GAL3ST1: variants seen among roughly 807,000 people sequenced by gnomAD.
GAL3ST1 encodes galactosylceramide sulfotransferase.
In GAL3ST1, 13 loss-of-function variants were observed where a neutral mutation model predicts 25.0. That is an observed-to-expected ratio of 0.52 (90% CI 0.34 to 0.83). The LOEUF is 0.83. GAL3ST1 is among the 40% of genes least tolerant of loss of function. The probability of loss-of-function intolerance (pLI) is 0.02; values close to 1 mark genes in which losing one functional copy is unlikely to be tolerated. For missense variants in GAL3ST1, 474 were observed against 613.6 expected (o/e 0.77, Z 2.40); for synonymous variants, 274 against 277.8 (o/e 0.99, Z 0.14).
intron 1 of GAL3ST1, among the ~76,000 whole-genome samples, chr22:30,568,088 C>T (rs2086677611): frequency 6.6e-6 from 1 of 152,232 alleles, no homozygotes; most frequent in African/African-American, 2.4e-5. Flanking sequence ...GCTCACAGTC[C>T]TAACTGGGGA....
rs780909543 is a variant in GAL3ST1 at position 30,555,774 on chromosome 22, C to T, written c.451G>A (p.Gly151Ser). Residue 151 changes from glycine to serine, a missense_variant, in exon 4 of 4, where the codon GGC becomes AGC. Transcript: ENST00000406361. This position sits in a 1 kb window ranked among gnomAD's most constrained non-coding sequence, Gnocchi z 8.6. ...AAGATGGCGTTGGTCGGCACCAGGC[C>T]GCGCACCTCGTCGTAGTGGAAGCGC... ...HMRFHYDEVR[G>S]LVPTNAIFIT... 1.2e-6 allele frequency: 2 copies of T among 1,614,124 alleles called. No individual in the cohort carries two copies. The highest frequency in any genetic ancestry group is 1.3e-5 in the African/African-American group (1 of 75,050).
intron 1 of GAL3ST1, among the ~76,000 whole-genome samples, chr22:30,571,240 C>T (rs1047975479): frequency 4.6e-5 from 7 of 152,064 alleles, no homozygotes; most frequent in Admixed American, 2.0e-4. Context: ...GCAGAAGGGG[C>T]GGATGGGATA....
chr22:30,555,641 T>G lies in GAL3ST1; in HGVS notation c.584A>C (p.Glu195Ala). 6.2e-7 allele frequency: 1 copy of G among 1,613,682 alleles called. No individual in the cohort carries two copies. ...GTAGCGATCCGGGTCTTGCAGGAAC[T>G]CGGTCAGCTTGTCGCCGGCCGAGAG... ...WKLSAGDKLTEFLQDPDRYYD... is the reference protein window; with the variant it reads ...WKLSAGDKLTAFLQDPDRYYD... The change falls in exon 4 of 4, where the codon GAG becomes GCG. Residue 195 changes from glutamate to alanine, a missense_variant. Physicochemically the swap from Glu to Ala is moderately radical, Grantham distance 107 (BLOSUM62 -1). Transcript: ENST00000406361. This position sits in a 1 kb window ranked among gnomAD's most constrained non-coding sequence, Gnocchi z 8.6.
At chr22:30,572,339 C>A (rs1465328219) in intron 1 of GAL3ST1, among the ~76,000 whole-genome samples, 2 of 152,164 alleles carry the variant, frequency 1.3e-5, no homozygotes, top group East Asian at 3.8e-4. Context: ...ATACATACAC[C>A]CACCTCTCCA....
At chr22:30,556,212 C>A in intron 3 of GAL3ST1, 119 bp from the exon 4 acceptor site, 3 of 802,064 alleles carry the variant, frequency 3.7e-6, no homozygotes, top group Non-Finnish European at 5.8e-6. Flanking sequence ...GATAGTGAGA[C>A]CTGTGGGGCC....
At chr22:30,571,697 A>G (rs2086790582) in intron 1 of GAL3ST1, among the ~76,000 whole-genome samples, 1 of 152,138 alleles carries the variant, frequency 6.6e-6, no homozygotes, top group Admixed American at 6.5e-5. Flanking sequence ...TCCCGTCTCT[A>G]CTAAAATTAT....
At position 30,555,321 on chromosome 22, in the gene GAL3ST1, T is replaced by A; in HGVS notation, c.904A>T (p.Met302Leu). Reference sequence around the variant, plus strand: ...TGGCGGTAGAGGTGGGAGTCCAGCATGTTCCAGGCGGTGGCGCGCCCATAC... The same window carrying A: ...TGGCGGTAGAGGTGGGAGTCCAGCAAGTTCCAGGCGGTGGCGCGCCCATAC... ...ELYGRATAWN[M>L]LDSHLYRHFN... Residue 302 changes from methionine (M) to leucine (L), a missense_variant, in exon 4 of 4, where the codon ATG becomes TTG. Transcript: ENST00000406361. This position sits in a 1 kb window ranked among gnomAD's most constrained non-coding sequence, Gnocchi z 8.6. 1.2e-6 allele frequency: 2 copies of A among 1,606,614 alleles called. No individual in the cohort carries two copies. The highest frequency in any genetic ancestry group is 1.7e-6 in the Non-Finnish European group (2 of 1,178,384).
At chr22:30,573,818 G>A (rs1421727011) in intron 1 of GAL3ST1, among the ~76,000 whole-genome samples, 1 of 152,198 alleles carries the variant, frequency 6.6e-6, no homozygotes, top group African/African-American at 2.4e-5. Context: ...CAAAATGCTG[G>A]CCTGGCACCG....
intron 1 of GAL3ST1, among the ~76,000 whole-genome samples, chr22:30,566,971 A>T (rs566577827): frequency 6.7e-6 from 1 of 150,342 alleles, no homozygotes; most frequent in South Asian, 2.1e-4. Flanking sequence ...ATTTTATTTT[A>T]TTTGAGACAG....
intron 1 of GAL3ST1, among the ~76,000 whole-genome samples, chr22:30,570,230 C>G (rs2086739561): frequency 6.6e-6 from 1 of 152,162 alleles, no homozygotes; most frequent in Admixed American, 6.5e-5. Flanking sequence ...GGAGTGGAAT[C>G]CCATCGGGAT....
At chr22:30,566,919 T>G (rs985076810) in intron 1 of GAL3ST1, among the ~76,000 whole-genome samples, 3 of 152,076 alleles carry the variant, frequency 2.0e-5, no homozygotes, top group African/African-American at 7.2e-5. Flanking sequence ...GATGACATCT[T>G]TGGCTGGTTC....
intron 3 of GAL3ST1, among the ~76,000 whole-genome samples, 166 bp from the exon 4 acceptor site, chr22:30,556,259 C>T (rs1427804146): frequency 6.6e-6 from 1 of 152,134 alleles, no homozygotes; most frequent in Non-Finnish European, 1.5e-5. Flanking sequence ...GTGGTTTGGC[C>T]TCTCTAGCCT....
In GAL3ST1 at chr22:30,559,455, C is replaced by G. The variant is rs140561094; in HGVS notation, c.-119-1067G>C. ...GGAGTTTCACCATGTTGGCCAGGAT[C>G]ATCTTGATCTCCTGACCTTGTGATC... On this transcript the variant is annotated intron_variant, in intron 1 of 3. Coordinates refer to ENST00000406361, the MANE Select transcript of GAL3ST1 (RefSeq NM_001318104.2). 2.7e-3 allele frequency among the ~76,000 whole-genome samples: 416 copies of G among 152,212 alleles called. 4 individuals are homozygous for G. The highest frequency in any genetic ancestry group is 9.3e-3 in the African/African-American group (387 of 41,538).
chr22:30,565,751 C>T (rs1228588740), intron 1 of GAL3ST1, among the ~76,000 whole-genome samples: 3 of 152,080 alleles, frequency 2.0e-5, no homozygotes, highest in Non-Finnish European at 2.9e-5. Flanking sequence ...GGCCCTAAGC[C>T]CCAGGAACCC....
Position 30,557,319 on chromosome 22 carries a change from A to G in GAL3ST1, c.74T>C (p.Phe25Ser). ...GLVLGALFTS[F>S]LLLVYSYAVP... is the part of the protein sequence containing the mutation. ...GGCATAGGAGTACACCAGCAGCAGGAAACTAGTGAAGAGCGCGCCCAGCAC... is the reference window on the plus strand; with the variant it reads ...GGCATAGGAGTACACCAGCAGCAGGGAACTAGTGAAGAGCGCGCCCAGCAC... Residue 25 changes from phenylalanine (F) to serine (S), a missense_variant, in exon 3 of 4, where the codon TTC (phenylalanine) becomes TCC (serine). Physicochemically the swap from Phe to Ser is radical, Grantham distance 155 (BLOSUM62 -2). This residue lies in a region of GAL3ST1 where 115 missense variants were observed against 109.2 expected (regional missense o/e 1.05). Coordinates refer to ENST00000406361, the MANE Select transcript of GAL3ST1 (RefSeq NM_001318104.2). 6.2e-7 allele frequency: 1 copy of G among 1,614,192 alleles called. No individual in the cohort carries two copies. Among genetic ancestry groups the G allele is most frequent in the South Asian group, 1.1e-5 (1 of 91,070 alleles).
intron 1 of GAL3ST1, among the ~76,000 whole-genome samples, chr22:30,571,918 C>G (rs765707778): frequency 2.0e-4 from 30 of 152,148 alleles, no homozygotes; most frequent in Non-Finnish European, 3.5e-4. Context: ...ACAGACACTC[C>G]CAGTCTCCTC....
chr22:30,562,653 G>C (rs902280678), intron 1 of GAL3ST1, among the ~76,000 whole-genome samples: 11 of 152,228 alleles, frequency 7.2e-5, no homozygotes, highest in African/African-American at 2.7e-4. Flanking sequence ...GGCACCTGGT[G>C]AATGTGTGAT....
At chr22:30,574,068 C>T (rs2146446979) in intron 1 of GAL3ST1, among the ~76,000 whole-genome samples, 1 of 152,258 alleles carries the variant, frequency 6.6e-6, no homozygotes, top group African/African-American at 2.4e-5. Flanking sequence ...CTGATGGAGA[C>T]AGGGGAGATC....
rs189229960 is a variant in GAL3ST1 at position 30,567,659 on chromosome 22, G to A, written c.-120+6807C>T. Among the ~76,000 whole-genome samples the A allele has an allele frequency of 2.0e-4, 30 of 152,050 alleles. 1 individual carries two copies. In the East Asian group the frequency reaches 5.4e-3, roughly 27 times the overall value. On this transcript the variant is annotated intron_variant, in intron 1 of 3. Transcript: ENST00000406361. ...TAAATTGTGGACATCTTGCAGCCAC[G>A]ATAGTTTTTTGTTTGGTTGTTTTTT...
Sources: gnomAD v4.1 joint callset for allele counts (sites outside exome capture counted in the v4.1 genomes callset) on GRCh38, gnomAD v4.1.1 for gene constraint, gnomAD v4.1.1 regional missense constraint, Gnocchi (gnomAD v3.1) non-coding constraint, MANE v1.5 for transcripts, NCBI Gene and HGNC (gene_info 2026-07-23, HGNC 2026-07-21) for gene names.